SMIM35: variants seen among roughly 807,000 people sequenced by gnomAD.
SMIM35 encodes the protein small integral membrane protein 35.
intron 1 of SMIM35, among the ~76,000 whole-genome samples, chr11:118,083,871 G>A (rs1591340572): frequency 6.6e-6 from 1 of 151,956 alleles, no homozygotes; most frequent in Non-Finnish European, 1.5e-5. Flanking sequence ...TGGCCAACAT[G>A]GTGAAAGTAC....
intron 1 of SMIM35, among the ~76,000 whole-genome samples, chr11:118,036,045 G>C (rs566858746): frequency 6.6e-6 from 1 of 152,226 alleles, no homozygotes; most frequent in East Asian, 1.9e-4. Context: ...CTGCCACCAT[G>C]CCTGGCTAAT....
At chr11:118,073,470 G>GT (rs1944605668) in intron 1 of SMIM35, among the ~76,000 whole-genome samples, 2 of 152,164 alleles carry the variant, frequency 1.3e-5, no homozygotes, top group Admixed American at 1.3e-4. Context: ...GAGGGGCTTG[G>GT]TTTTTTTCAA....
At chr11:118,007,066 C>T (rs1292930368) in intron 4 of SMIM35, among the ~76,000 whole-genome samples, 1 of 152,042 alleles carries the variant, frequency 6.6e-6, no homozygotes, top group Non-Finnish European at 1.5e-5. Context: ...CACGCACACG[C>T]ACACACACAC....
chr11:118,077,425 AAG>A (rs1944740903), intron 1 of SMIM35: 1 of 1,244,526 alleles, frequency 8.0e-7, no homozygotes. Flanking sequence ...AGGTTAAAAA[AAG>A]AGGCCACACC....
chr11:118,072,664 G>A (rs1202855543), intron 1 of SMIM35, among the ~76,000 whole-genome samples: 3 of 152,186 alleles, frequency 2.0e-5, no homozygotes, highest in Non-Finnish European at 2.9e-5. Context: ...ACCCCCAAGT[G>A]TTCTCTTTTT....
intron 1 of SMIM35, among the ~76,000 whole-genome samples, chr11:118,016,742 A>T (rs1320382949): frequency 6.6e-6 from 1 of 152,228 alleles, no homozygotes. Context: ...GGAAAATAAG[A>T]CTAATATTAA....
intron 1 of SMIM35, among the ~76,000 whole-genome samples, chr11:118,038,397 A>T (rs1943944655): frequency 6.6e-6 from 1 of 152,234 alleles, no homozygotes; most frequent in South Asian, 2.1e-4. Context: ...GCTGTTCTTT[A>T]ATACTGGCAT....
intron 1 of SMIM35, among the ~76,000 whole-genome samples, chr11:118,026,973 A>T (rs1259373883): frequency 3.3e-5 from 5 of 150,962 alleles, no homozygotes; most frequent in Admixed American, 2.0e-4. Context: ...TTTCTCCAAC[A>T]GGCTGTCAGC....
At position 118,042,102 on chromosome 11, in the gene SMIM35, C is replaced by G. The variant is rs138668298; in HGVS notation, c.8-26293G>C. ...AGAGAAAGAAAGACAAACTCAACTA[C>G]AGCAAGCAGAAGAAAGGAAATAAAG... On this transcript the variant is annotated intron_variant, in intron 1 of 4. Transcript: ENST00000689828. Among the ~76,000 whole-genome samples, 546 of 103,724 alleles carry G rather than the reference C, an allele frequency of 5.3e-3. 4 individuals are homozygous for G. The highest frequency in any genetic ancestry group is 0.016 in the African/African-American group (510 of 32,444). 68.0% of individuals were successfully genotyped at this position (103,724 alleles called of 152,430 possible). A position where few individuals can be genotyped will look rare whatever the true frequency, so the allele number is the denominator to read the frequency against.
Position 118,037,590 on chromosome 11 carries a change from T to A in SMIM35, c.8-21781A>T, listed in dbSNP as rs541422799. Among the ~76,000 whole-genome samples the A allele has an allele frequency of 7.9e-5, 12 of 152,310 alleles. No individual in the cohort carries two copies. The Middle Eastern group carries it at 0.014, about 173-fold the overall frequency. ...CATCTTTCCCCTAAAGATAAACAAG[T>A]TCCCCCTCTTTCGGCGGTTAGCAAG... On this transcript the variant is annotated intron_variant, in intron 1 of 4. Coordinates refer to ENST00000689828, the MANE Select transcript of SMIM35 (RefSeq NM_001394165.1).
chr11:118,053,141 G>A (rs909136461), intron 1 of SMIM35, among the ~76,000 whole-genome samples: 4 of 152,040 alleles, frequency 2.6e-5, no homozygotes, highest in African/African-American at 4.8e-5. Context: ...CCCCCATCTC[G>A]ACTAAAAATA....
At position 118,005,795 on chromosome 11, in the gene SMIM35, T is replaced by G. The variant is rs979910043; in HGVS notation, c.*615A>C. The G allele has an allele frequency of 1.3e-5, 2 of 152,582 alleles. No individual in the cohort carries two copies. Among genetic ancestry groups the G allele is most frequent in the Admixed American group, 6.5e-5 (1 of 15,292 alleles). The allele number at this position is 152,582 out of a possible 1,614,324, so 9.5% of individuals were successfully genotyped here. On this transcript the variant is annotated 3_prime_UTR_variant, in exon 5 of 5. Transcript: ENST00000689828. ...TGTCCTGCTCCTCTGCATCCACTCC[T>G]GCTCCCTCAGTCTAATCTCCATACC...
intron 4 of SMIM35, among the ~76,000 whole-genome samples, chr11:118,013,521 C>A (rs2058160736): frequency 6.6e-6 from 1 of 152,162 alleles, no homozygotes; most frequent in Admixed American, 6.5e-5. Flanking sequence ...GAAGGAAAGG[C>A]CGGGCATGGA....
At chr11:118,068,830 C>A (rs560832739) in intron 1 of SMIM35, among the ~76,000 whole-genome samples, 2 of 152,296 alleles carry the variant, frequency 1.3e-5, no homozygotes, top group South Asian at 2.1e-4. Flanking sequence ...AGAGGCCCAG[C>A]GGCATCCAGG....
At chr11:118,077,391 G>A (rs1944737544) in intron 1 of SMIM35, 3 of 1,453,816 alleles carry the variant, frequency 2.1e-6, no homozygotes, top group Non-Finnish European at 2.8e-6. Context: ...GCATCCATCA[G>A]CTGAGAATTC....
chr11:118,069,730 T>C (rs1439790673), intron 1 of SMIM35, among the ~76,000 whole-genome samples: 1 of 152,156 alleles, frequency 6.6e-6, no homozygotes, highest in Non-Finnish European at 1.5e-5. Context: ...TATTATTCTG[T>C]TATCTTGGGA....
intron 1 of SMIM35, among the ~76,000 whole-genome samples, chr11:118,077,844 C>T (rs1222645216): frequency 7.9e-5 from 12 of 151,616 alleles, no homozygotes; most frequent in Admixed American, 5.9e-4. Flanking sequence ...AAACCCCATC[C>T]GTACTAAAAA....
At chr11:118,044,426 G>A (rs1424605986) in intron 1 of SMIM35, among the ~76,000 whole-genome samples, 2 of 151,616 alleles carry the variant, frequency 1.3e-5, no homozygotes, top group African/African-American at 4.8e-5. Context: ...CTGACCTAAA[G>A]CCAGGAGATC....
chr11:118,028,277 G>T (rs958398112), intron 1 of SMIM35, among the ~76,000 whole-genome samples: 4 of 152,208 alleles, frequency 2.6e-5, no homozygotes, highest in Non-Finnish European at 5.9e-5. Context: ...CCAAAGCGTG[G>T]TGAGACCCAG....
Sources: gnomAD v4.1 joint callset for allele counts (sites outside exome capture counted in the v4.1 genomes callset) on GRCh38, gnomAD v4.1.1 for gene constraint, MANE v1.5 for transcripts, NCBI Gene and HGNC (gene_info 2026-07-23, HGNC 2026-07-21) for gene names.